Variants in SERGEF observed in about 807,000 individuals in gnomAD.
The protein encoded by SERGEF is secretion-regulating guanine nucleotide exchange factor.
SERGEF carries 51 observed loss-of-function variants against 50.0 expected under a neutral mutation model. The observed-to-expected ratio is 1.02, with a 90% confidence interval of 0.81 to 1.29. The LOEUF (loss-of-function observed/expected upper bound fraction) is 1.29, where lower values mean the gene tolerates loss of function less well. Among genes scored for constraint, SERGEF ranks in the 50% most tolerant of loss-of-function variants. The pLI, the probability that SERGEF is intolerant of heterozygous loss-of-function variation, is 0.00. For synonymous variants in SERGEF, 205 were observed against 212.4 expected (o/e 0.97, Z 0.30); for missense variants, 521 against 557.0 (o/e 0.94, Z 0.65).
chr11:17,898,509 A>G (rs147237299), intron 9 of SERGEF, among the ~76,000 whole-genome samples: 60 of 152,318 alleles, frequency 3.9e-4, no homozygotes, highest in Middle Eastern at 3.4e-3. Context: ...TCAGTTAGCT[A>G]TTATTTAGCA....
chr11:18,010,661 G>A (rs1298066253), intron 1 of SERGEF, among the ~76,000 whole-genome samples: 1 of 152,132 alleles, frequency 6.6e-6, no homozygotes, highest in African/African-American at 2.4e-5. Flanking sequence ...ACTTCTTGAT[G>A]TTACATTATA....
intron 9 of SERGEF, among the ~76,000 whole-genome samples, chr11:17,908,475 T>C (rs1851892592): frequency 6.6e-6 from 1 of 152,170 alleles, no homozygotes; most frequent in Non-Finnish European, 1.5e-5. Flanking sequence ...AAGACTGTTC[T>C]GACCAGCTCC....
chr11:17,886,369 G>A (rs896945738), intron 9 of SERGEF, among the ~76,000 whole-genome samples: 3 of 152,144 alleles, frequency 2.0e-5, no homozygotes, highest in Non-Finnish European at 4.4e-5. Flanking sequence ...CGGCACTTTA[G>A]GAGGCTGAGG....
intron 10 of SERGEF, among the ~76,000 whole-genome samples, chr11:17,867,339 G>T (rs1851048847): frequency 6.6e-6 from 1 of 152,248 alleles, no homozygotes; most frequent in Non-Finnish European, 1.5e-5. Context: ...CCCCATGCAA[G>T]TCCAAAATCC....
chr11:17,869,736 A>C (rs1214793071), intron 10 of SERGEF, among the ~76,000 whole-genome samples: 1 of 152,176 alleles, frequency 6.6e-6, no homozygotes, highest in Non-Finnish European at 1.5e-5. Flanking sequence ...TGAAAGACAC[A>C]AACATTCAGA....
intron 10 of SERGEF, among the ~76,000 whole-genome samples, chr11:17,859,826 A>G (rs1440231037): frequency 6.6e-6 from 1 of 152,228 alleles, no homozygotes; most frequent in African/African-American, 2.4e-5. Context: ...GATTTCTACA[A>G]ACAGTGAAAG....
chr11:17,891,618 T>C (rs1487274805), intron 9 of SERGEF, among the ~76,000 whole-genome samples: 2 of 152,218 alleles, frequency 1.3e-5, no homozygotes, highest in Non-Finnish European at 2.9e-5. Context: ...TGGAGGTGCA[T>C]ATGACTCTTC....
intron 1 of SERGEF, 156 bp downstream of exon 1, chr11:18,012,786 CGCTCCTCCT>C: frequency 1.2e-5 from 14 of 1,158,380 alleles, no homozygotes; most frequent in Non-Finnish European, 1.5e-5. Context: ...CCCGCCCGCC[CGCTCCTCCT>C]CCGCTCCCCC....
At chr11:17,913,076 G>A (rs753098632) in intron 9 of SERGEF, among the ~76,000 whole-genome samples, 1 of 152,196 alleles carries the variant, frequency 6.6e-6, no homozygotes, top group Non-Finnish European at 1.5e-5. Context: ...AACAGACAGA[G>A]GGAAAGAAAA....
chr11:17,969,791 C>T (rs1221535939), intron 8 of SERGEF, among the ~76,000 whole-genome samples: 1 of 152,164 alleles, frequency 6.6e-6, no homozygotes, highest in East Asian at 1.9e-4. Context: ...ACAGTGAGCA[C>T]AACACTGTTC....
intron 9 of SERGEF, among the ~76,000 whole-genome samples, chr11:17,959,268 C>T (rs1015687276): frequency 6.6e-6 from 1 of 152,244 alleles, no homozygotes; most frequent in Non-Finnish European, 1.5e-5. Flanking sequence ...CAAGGAACTA[C>T]ACAAAGTCTG....
chr11:17,935,208 TA>T (rs1404155819), intron 9 of SERGEF, among the ~76,000 whole-genome samples: 2 of 152,216 alleles, frequency 1.3e-5, no homozygotes, highest in African/African-American at 2.4e-5. Flanking sequence ...ACTAAGCATT[TA>T]AAAATAAAAG....
At chr11:18,004,346 G>A (rs1021137770) in intron 4 of SERGEF, 95 bp downstream of exon 4, 16 of 861,496 alleles carry the variant, frequency 1.9e-5, no homozygotes, top group African/African-American at 3.4e-5. Context: ...GGGTTCTCAG[G>A]GATCCTGACA....
intron 8 of SERGEF, among the ~76,000 whole-genome samples, chr11:17,977,005 C>G (rs759621636): frequency 1.3e-5 from 2 of 152,224 alleles, no homozygotes; most frequent in Non-Finnish European, 2.9e-5. Context: ...TGGGCTTCTC[C>G]AAGAAGGTAG....
chr11:17,801,766 A>G (rs957427938), intron 10 of SERGEF, among the ~76,000 whole-genome samples: 2 of 152,184 alleles, frequency 1.3e-5, no homozygotes, highest in Non-Finnish European at 1.5e-5. Flanking sequence ...CCGTGTGAAT[A>G]ACAAATTGTA....
chr11:17,818,645 C>T (rs1850022441), intron 10 of SERGEF, among the ~76,000 whole-genome samples: 1 of 152,178 alleles, frequency 6.6e-6, no homozygotes, highest in Admixed American at 6.5e-5. Flanking sequence ...CCACAACTGC[C>T]TCCTTTTCAC....
At chr11:17,788,847 T>A (rs1294180475) in intron 10 of SERGEF, among the ~76,000 whole-genome samples, 1 of 152,252 alleles carries the variant, frequency 6.6e-6, no homozygotes, top group Non-Finnish European at 1.5e-5. Flanking sequence ...CTAACCCAGC[T>A]GCTCACTCCA....
intron 10 of SERGEF, among the ~76,000 whole-genome samples, chr11:17,872,911 T>C (rs531208861): frequency 5.3e-4 from 79 of 150,448 alleles, no homozygotes; most frequent in Admixed American, 1.5e-3. Flanking sequence ...ACCATTTATG[T>C]AAAAGGAAGG....
chr11:17,955,757 C>T (rs1852855449), intron 9 of SERGEF, among the ~76,000 whole-genome samples: 3 of 152,270 alleles, frequency 2.0e-5, no homozygotes, highest in African/African-American at 7.2e-5. Context: ...AATAGGAGGG[C>T]TTGGGGACAA....
Sources: allele counts gnomAD v4.1 joint callset (sites outside exome capture counted in the v4.1 genomes callset), GRCh38; gene constraint gnomAD v4.1.1; transcripts MANE v1.5; gene names NCBI Gene and HGNC (gene_info 2026-07-23, HGNC 2026-07-21).